The following DNM3 variants were observed in gnomAD, a reference collection of about 807,000 sequenced individuals.
The protein encoded by DNM3 is dynamin-3.
In DNM3, 47 loss-of-function variants were observed where a neutral mutation model predicts 101.6. That is an observed-to-expected ratio of 0.46 (90% CI 0.37 to 0.59). The LOEUF (loss-of-function observed/expected upper bound fraction) is 0.59, where lower values mean the gene tolerates loss of function less well. DNM3 is among the 20% of genes least tolerant of loss of function. DNM3 has a pLI of 0.00. For missense variants in DNM3, 849 were observed against 1,085.7 expected, an observed-to-expected ratio of 0.78 and a Z score of 3.06; for synonymous variants, 385 against 387.9, an observed-to-expected ratio of 0.99 and a Z score of 0.09.
chr1:172,079,662 G>A (rs1020356917), intron 11 of DNM3, among the ~76,000 whole-genome samples: 1 of 151,988 alleles, frequency 6.6e-6, no homozygotes, highest in African/African-American at 2.4e-5. Flanking sequence ...TTGTTTTCTT[G>A]CTGGCAAGGA....
At chr1:172,404,712 CACTTTG>C (rs1208751513) in intron 20 of DNM3, among the ~76,000 whole-genome samples, 2 of 152,076 alleles carry the variant, frequency 1.3e-5, no homozygotes, top group Non-Finnish European at 1.5e-5. Flanking sequence ...TGTTTGCCAT[CACTTTG>C]ACCACATTAT....
At chr1:171,923,507 G>T in intron 2 of DNM3, among the ~76,000 whole-genome samples, 1 of 147,026 alleles carries the variant, frequency 6.8e-6, no homozygotes, top group Non-Finnish European at 1.5e-5. Flanking sequence ...TTTTTATTTT[G>T]GTGAAGTCCA....
intron 14 of DNM3, among the ~76,000 whole-genome samples, chr1:172,167,268 C>T (rs969176083): frequency 3.3e-5 from 5 of 152,218 alleles, no homozygotes; most frequent in East Asian, 1.9e-4. Flanking sequence ...TTTATGGCTG[C>T]ATAGTATTCC....
At chr1:172,404,493 T>C (rs1361356123) in intron 20 of DNM3, among the ~76,000 whole-genome samples, 3 of 152,132 alleles carry the variant, frequency 2.0e-5, no homozygotes, top group Admixed American at 6.6e-5. Flanking sequence ...AATTGCCTGC[T>C]ACTATTGTGC....
intron 12 of DNM3, among the ~76,000 whole-genome samples, chr1:172,090,339 A>G (rs1394151037): frequency 2.0e-5 from 3 of 152,178 alleles, no homozygotes; most frequent in Non-Finnish European, 4.4e-5. Flanking sequence ...AAAAGAAAGT[A>G]AGGAGGAGAT....
chr1:172,052,980 C>T (rs1044481917), intron 10 of DNM3, among the ~76,000 whole-genome samples: 1 of 152,124 alleles, frequency 6.6e-6, no homozygotes, highest in African/African-American at 2.4e-5. Flanking sequence ...TCCAGTGGCC[C>T]CCTAACTGAT....
At chr1:172,109,775 T>C (rs2055324220) in intron 13 of DNM3, among the ~76,000 whole-genome samples, 1 of 152,206 alleles carries the variant, frequency 6.6e-6, no homozygotes, top group South Asian at 2.1e-4. Context: ...TCAATGGAAA[T>C]CAGGAATTCA....
chr1:171,929,610 C>G (rs555054477), intron 2 of DNM3, among the ~76,000 whole-genome samples: 1 of 151,534 alleles, frequency 6.6e-6, no homozygotes, highest in East Asian at 2.0e-4. Flanking sequence ...GGGACCGCTT[C>G]CACCCCTAGT....
At chr1:172,400,835 C>T (rs1384809897) in intron 20 of DNM3, among the ~76,000 whole-genome samples, 2 of 152,168 alleles carry the variant, frequency 1.3e-5, no homozygotes, top group Admixed American at 6.5e-5. Context: ...TTCTGGCTTT[C>T]TTTCCTTTGC....
chr1:172,077,465 C>T lies in DNM3; in HGVS notation c.1423-4367C>T, dbSNP rs545170376. 5.9e-5 allele frequency among the ~76,000 whole-genome samples: 9 copies of T among 152,232 alleles called. No homozygotes were observed. The South Asian group carries it at 1.9e-3, about 32-fold the overall frequency. On this transcript the variant is annotated intron_variant, in intron 11 of 20. Transcript: ENST00000627582. ...GTGGGCATTTAGTGCTATAAATTTC[C>T]CTGTAAACACTGCTTTAACTGTGTC...
At chr1:172,309,074 G>T in intron 16 of DNM3, 1 of 402,374 alleles carries the variant, frequency 2.5e-6, no homozygotes, top group Non-Finnish European at 4.4e-6. Flanking sequence ...GTCCTACTCA[G>T]CCATAAAACA....
chr1:172,194,606 A>G (rs2059877534), intron 14 of DNM3, among the ~76,000 whole-genome samples: 1 of 152,142 alleles, frequency 6.6e-6, no homozygotes, highest in African/African-American at 2.4e-5. Context: ...TCCCTGTACC[A>G]TTAGGTAATG....
chr1:172,088,221 T>C lies in DNM3; in HGVS notation c.1494-4603T>C, dbSNP rs541895583. Among the ~76,000 whole-genome samples, 3 of 152,258 alleles carry C rather than the reference T, an allele frequency of 2.0e-5. No individual in the cohort carries two copies. In the South Asian group the frequency reaches 6.2e-4, roughly 32 times the overall value. ...CCAACTTACAATCTTGTTTATAAAA[T>C]ACAGGCACAGACCAAGGCTTTGGGA... On this transcript the variant is annotated intron_variant, in intron 12 of 20. Transcript: ENST00000627582.
At chr1:172,368,564 G>A (rs543398607) in intron 17 of DNM3, among the ~76,000 whole-genome samples, 1 of 151,750 alleles carries the variant, frequency 6.6e-6, no homozygotes, top group Non-Finnish European at 1.5e-5. Context: ...GCACTTCAGG[G>A]AACTAGAAAA....
At chr1:172,190,431 G>A (rs2148434549) in intron 14 of DNM3, among the ~76,000 whole-genome samples, 1 of 152,206 alleles carries the variant, frequency 6.6e-6, no homozygotes, top group East Asian at 1.9e-4. Context: ...ATTTGGGTTG[G>A]TTCCAAGTCT....
At chr1:172,179,840 T>G (rs1459844073) in intron 14 of DNM3, among the ~76,000 whole-genome samples, 1 of 151,998 alleles carries the variant, frequency 6.6e-6, no homozygotes, top group Non-Finnish European at 1.5e-5. Flanking sequence ...CTTTTTTATG[T>G]ATTAAAAAAC....
intron 10 of DNM3, among the ~76,000 whole-genome samples, chr1:172,054,305 A>G (rs2050415488): frequency 6.6e-6 from 1 of 152,158 alleles, no homozygotes; most frequent in African/African-American, 2.4e-5. Flanking sequence ...ATACTTTCTC[A>G]CTGTTGTCTC....
At chr1:172,107,397 A>G (rs1047050589) in intron 13 of DNM3, among the ~76,000 whole-genome samples, 4 of 83,966 alleles carry the variant, frequency 4.8e-5, no homozygotes, top group South Asian at 3.6e-4. Context: ...TGGAATGTGG[A>G]AAAAAAAAAA....
intron 1 of DNM3, chr1:171,864,442 G>A (rs2034503310): frequency 1.3e-5 from 2 of 152,360 alleles, no homozygotes; most frequent in South Asian, 4.1e-4. Flanking sequence ...CAGTAAGGAG[G>A]ACAAGACCTG....
Sources: allele counts gnomAD v4.1 joint callset (sites outside exome capture counted in the v4.1 genomes callset), GRCh38; gene constraint gnomAD v4.1.1; transcripts MANE v1.5; gene names NCBI Gene and HGNC (gene_info 2026-07-23, HGNC 2026-07-21).